The following GOLT1A variants were observed in gnomAD, a reference collection of about 807,000 sequenced individuals.
GOLT1A encodes the protein vesicle transport protein GOT1A.
A neutral mutation model predicts 16.1 loss-of-function variants in GOLT1A; 10 were observed. The ratio of observed to expected loss-of-function variants is 0.62; its 90% CI spans 0.38 to 1.05. The LOEUF is 1.05. GOLT1A is among the 50% of genes least tolerant of loss of function. The pLI is 0.01. For missense variants in GOLT1A, 137 were observed against 165.7 expected (o/e 0.83, Z 0.95); for synonymous variants, 60 against 67.9 (o/e 0.88, Z 0.57).
At chr1:204,207,422 T>C (rs1659056671) in intron 1 of GOLT1A, among the ~76,000 whole-genome samples, 1 of 152,166 alleles carries the variant, frequency 6.6e-6, no homozygotes, top group East Asian at 1.9e-4. Context: ...CAAGGTACAC[T>C]GATGGCTGCA....
chr1:204,203,521 T>C (rs567483878), intron 1 of GOLT1A, among the ~76,000 whole-genome samples: 2 of 152,294 alleles, frequency 1.3e-5, no homozygotes, highest in Admixed American at 6.5e-5. Flanking sequence ...ACTGCCTCCT[T>C]CCTCCTCAGA....
Position 204,201,559 on chromosome 1 carries a change from C to G in GOLT1A, c.296+74G>C, listed in dbSNP as rs80230216. On this transcript the variant is annotated intron_variant, in intron 3 of 4. Coordinates refer to ENST00000308302, the MANE Select transcript of GOLT1A (RefSeq NM_198447.2). Reference sequence around the variant, plus strand: ...GCAGGATAAAGTCCCAGCTTCTGCACTCCCTGCTGGGGTGATCTCAGCCAC... The same window carrying G: ...GCAGGATAAAGTCCCAGCTTCTGCAGTCCCTGCTGGGGTGATCTCAGCCAC... 6,751 of 1,465,388 alleles carry G rather than the reference C, an allele frequency of 4.6e-3. 257 individuals carry two copies. In the African/African-American group the frequency reaches 0.085, roughly 18 times the overall value. The allele number at this position is 1,465,388 out of a possible 1,614,324, so 90.8% of individuals were successfully genotyped here.
rs1283356463 is a variant in GOLT1A, at chr1:204,213,805, G to C, written c.25+77C>G. The C allele has an allele frequency of 9.9e-6, 15 of 1,517,346 alleles. No individual in the cohort carries two copies. The South Asian group carries it at 1.8e-4, about 18-fold the overall frequency. The allele number at this position is 1,517,346 out of a possible 1,614,324, so 94.0% of individuals were successfully genotyped here. A position where few individuals can be genotyped will look rare whatever the true frequency, so the allele number is the denominator to read the frequency against. On this transcript the variant is annotated intron_variant, in intron 1 of 4. Transcript: ENST00000308302. ...GAGGTCACGCTTGTAGTGACAGAGA[G>C]CCCAGCTGGGAGAGAGAGCCAGCCG... is the stretch of plus-strand genomic sequence containing the variant.
intron 1 of GOLT1A, among the ~76,000 whole-genome samples, chr1:204,208,362 ATGTGTG>A (rs57833360): frequency 4.9e-5 from 7 of 143,360 alleles, no homozygotes; most frequent in Non-Finnish European, 1.5e-5. Context: ...GTATGTATAT[ATGTGTG>A]TATCTATACA....
chr1:204,203,862 T>G (rs543652047), intron 1 of GOLT1A, among the ~76,000 whole-genome samples: 5 of 152,072 alleles, frequency 3.3e-5, no homozygotes, highest in African/African-American at 1.2e-4. Context: ...GGTTTGTAAG[T>G]GTCTCAGGGC....
At chr1:204,199,388 C>T in intron 3 of GOLT1A, 130 bp from the exon 4 acceptor site, 1 of 709,134 alleles carries the variant, frequency 1.4e-6, no homozygotes, top group Non-Finnish European at 2.5e-6. Context: ...TGATTCTGCA[C>T]TCCTGTGTTC....
chr1:204,205,779 G>T (rs1436584825), intron 1 of GOLT1A, among the ~76,000 whole-genome samples: 2 of 152,102 alleles, frequency 1.3e-5, no homozygotes, highest in Admixed American at 6.6e-5. Flanking sequence ...CAAAAATACA[G>T]CAATGAAGCC....
chr1:204,202,620 C>G (rs185533922), intron 2 of GOLT1A, among the ~76,000 whole-genome samples: 1 of 152,142 alleles, frequency 6.6e-6, no homozygotes, highest in Admixed American at 6.5e-5. Flanking sequence ...CCTCTTAGAA[C>G]CCCCAGGGTC....
intron 1 of GOLT1A, 130 bp downstream of exon 1, chr1:204,213,752 G>T: frequency 9.3e-7 from 1 of 1,072,592 alleles, no homozygotes; most frequent in Non-Finnish European, 1.3e-6. Context: ...CAGGGTGCCA[G>T]CACAGCATCT....
At chr1:204,212,233 T>C (rs1208652653) in intron 1 of GOLT1A, among the ~76,000 whole-genome samples, 1 of 152,098 alleles carries the variant, frequency 6.6e-6, no homozygotes, top group African/African-American at 2.4e-5. Context: ...ACACCCTATG[T>C]CCAAACCGTC....
At chr1:204,213,467 T>C (rs1194244856) in intron 1 of GOLT1A, among the ~76,000 whole-genome samples, 1 of 151,954 alleles carries the variant, frequency 6.6e-6, no homozygotes, top group East Asian at 1.9e-4. Flanking sequence ...GAGGGTATGG[T>C]GGTTTGGTCA....
intron 1 of GOLT1A, among the ~76,000 whole-genome samples, chr1:204,211,877 T>A (rs1489823778): frequency 6.6e-6 from 1 of 152,084 alleles, no homozygotes; most frequent in African/African-American, 2.4e-5. Flanking sequence ...GCTGCTGATA[T>A]CCTATAATGT....
chr1:204,208,246 T>C (rs1275313752), intron 1 of GOLT1A, among the ~76,000 whole-genome samples: 2 of 151,414 alleles, frequency 1.3e-5, no homozygotes, highest in African/African-American at 4.9e-5. Flanking sequence ...TGCAAAAATA[T>C]GAAACCAGCC....
In GOLT1A at chr1:204,201,744, CG is replaced by C. The variant is rs1658966052; in HGVS notation, c.184del (p.Arg62GlyfsTer76). ...GAAGCTGGTTCCCTTGAGTTTGTGC[CG>C]TTGGAAGAAGAACCAAAAGGTCTTC... ...LRKTFWFFFQ[R>X]HKLKGTSFLL... On this transcript the variant is annotated frameshift_variant, in exon 3 of 5. Coordinates refer to ENST00000308302, the MANE Select transcript of GOLT1A (RefSeq NM_198447.2). LOFTEE classifies it high-confidence loss of function. The C allele has an allele frequency of 2.5e-6, 4 of 1,613,962 alleles. No homozygotes were observed. Among genetic ancestry groups the C allele is most frequent in the Non-Finnish European group, 3.4e-6 (4 of 1,180,042 alleles).
At chr1:204,212,694 A>G (rs546367997) in intron 1 of GOLT1A, among the ~76,000 whole-genome samples, 42 of 151,568 alleles carry the variant, frequency 2.8e-4, no homozygotes, top group Non-Finnish European at 5.3e-4. Flanking sequence ...ATACCTCCAC[A>G]GTCTATTCTC....
intron 4 of GOLT1A, 141 bp from the exon 5 acceptor site, chr1:204,198,637 C>T (rs980393192): frequency 3.5e-5 from 26 of 739,922 alleles, no homozygotes; most frequent in Admixed American, 3.1e-4. Flanking sequence ...GTCCAGCTGG[C>T]GGTTGTGGTG....
intron 4 of GOLT1A, 148 bp downstream of exon 4, chr1:204,199,047 C>G (rs1658909149): frequency 3.0e-6 from 2 of 665,542 alleles, no homozygotes; most frequent in Admixed American, 5.3e-5. Flanking sequence ...GAAGAGGAGC[C>G]TAAAGCACCA....
At chr1:204,202,129 G>A (rs1658973807) in intron 2 of GOLT1A, among the ~76,000 whole-genome samples, 1 of 151,986 alleles carries the variant, frequency 6.6e-6, no homozygotes, top group South Asian at 2.1e-4. Context: ...GATGGAATCG[G>A]GAGGGATTTT....
chr1:204,212,331 C>T (rs1436953098), intron 1 of GOLT1A, among the ~76,000 whole-genome samples: 1 of 152,190 alleles, frequency 6.6e-6, no homozygotes, highest in Non-Finnish European at 1.5e-5. Context: ...TCCACCTTCA[C>T]ACACTCAGGA....
Sources: gnomAD v4.1 joint callset for allele counts (sites outside exome capture counted in the v4.1 genomes callset) on GRCh38, gnomAD v4.1.1 for gene constraint, MANE v1.5 for transcripts, NCBI Gene and HGNC (gene_info 2026-07-23, HGNC 2026-07-21) for gene names.